CDK14: variants seen among roughly 807,000 people sequenced by gnomAD.
CDK14 encodes the protein cyclin dependent kinase 14.
In CDK14, 34 loss-of-function variants were observed where a neutral mutation model predicts 60.7. The ratio of observed to expected loss-of-function variants is 0.56; its 90% CI spans 0.43 to 0.75. The LOEUF (loss-of-function observed/expected upper bound fraction) is 0.75. CDK14 is among the 30% of genes least tolerant of loss of function. CDK14 has a pLI of 0.00. For synonymous variants in CDK14, 197 were observed against 203.7 expected (o/e 0.97, Z 0.28); for missense variants, 482 against 564.1 (o/e 0.85, Z 1.47).
intron 14 of CDK14, among the ~76,000 whole-genome samples, chr7:91,199,705 T>G (rs1195542917): frequency 6.6e-6 from 1 of 152,206 alleles, no homozygotes; most frequent in African/African-American, 2.4e-5. Flanking sequence ...TGCCTAAAAT[T>G]TTTTAATTAA....
At chr7:90,868,080 C>A (rs542466164) in intron 6 of CDK14, among the ~76,000 whole-genome samples, 1 of 151,986 alleles carries the variant, frequency 6.6e-6, no homozygotes, top group Admixed American at 6.6e-5. Context: ...TAATGAGCTA[C>A]AATTGTACCA....
At chr7:90,648,390 T>C (rs1426398454) in intron 2 of CDK14, among the ~76,000 whole-genome samples, 2 of 152,182 alleles carry the variant, frequency 1.3e-5, no homozygotes, top group East Asian at 1.9e-4. Context: ...GAAGCCCTTA[T>C]GTGTTTTAAG....
At chr7:90,784,416 G>A (rs1805480651) in intron 4 of CDK14, among the ~76,000 whole-genome samples, 1 of 152,126 alleles carries the variant, frequency 6.6e-6, no homozygotes. Context: ...GAGTGGATAT[G>A]GAAAGTTCTC....
chr7:91,076,656 T>A (rs1798328278), intron 11 of CDK14, among the ~76,000 whole-genome samples: 1 of 152,180 alleles, frequency 6.6e-6, no homozygotes, highest in Non-Finnish European at 1.5e-5. Context: ...AAATGGGATC[T>A]AATTAAACTA....
chr7:90,620,258 A>C (rs974838458), intron 2 of CDK14, among the ~76,000 whole-genome samples: 11 of 152,202 alleles, frequency 7.2e-5, no homozygotes, highest in Admixed American at 2.6e-4. Context: ...TAACTTATCA[A>C]ATTAATTATC....
At chr7:91,068,898 T>C (rs1041540150) in intron 11 of CDK14, among the ~76,000 whole-genome samples, 5 of 145,786 alleles carry the variant, frequency 3.4e-5, no homozygotes, top group African/African-American at 1.3e-4. Context: ...AGCCTCCACC[T>C]CTCTCTCCTG....
At chr7:90,866,949 TAGATAC>T (rs150573989) in intron 6 of CDK14, among the ~76,000 whole-genome samples, 5,551 of 152,298 alleles carry the variant, frequency 0.036, 139 homozygotes, top group Non-Finnish European at 0.057. Context: ...ACAAAGTCTG[TAGATAC>T]TACGATCTGG....
chr7:90,714,327 T>C (rs1802167450), intron 2 of CDK14, among the ~76,000 whole-genome samples: 1 of 152,058 alleles, frequency 6.6e-6, no homozygotes, highest in African/African-American at 2.4e-5. Flanking sequence ...CTGGAAGCAC[T>C]GGGGTTTGTT....
At chr7:90,887,741 A>T (rs1017498401) in intron 6 of CDK14, among the ~76,000 whole-genome samples, 3 of 152,290 alleles carry the variant, frequency 2.0e-5, no homozygotes, top group Non-Finnish European at 4.4e-5. Context: ...TTCTCTTGGA[A>T]CAAGTCTCCC....
intron 2 of CDK14, among the ~76,000 whole-genome samples, chr7:90,675,234 A>G (rs1801175587): frequency 6.6e-6 from 1 of 151,344 alleles, no homozygotes; most frequent in Non-Finnish European, 1.5e-5. Context: ...ATTATTTTTC[A>G]TTTATCTGCA....
At chr7:90,966,289 A>G (rs572036719) in intron 9 of CDK14, among the ~76,000 whole-genome samples, 6 of 152,246 alleles carry the variant, frequency 3.9e-5, no homozygotes, top group Non-Finnish European at 8.8e-5. Flanking sequence ...GTATTTCTTC[A>G]AACACGGGGA....
At position 90,904,902 on chromosome 7, in the gene CDK14, A is replaced by G. The variant is rs117032440; in HGVS notation, c.702+5549A>G. Among the ~76,000 whole-genome samples the G allele has an allele frequency of 7.7e-3, 1,176 of 152,324 alleles. 13 individuals carry two copies. Among genetic ancestry groups the G allele is most frequent in the Non-Finnish European group, 0.012 (821 of 68,020 alleles). The stretch of plus-strand genomic sequence containing the variant: ...CTGAAAGGGGAATGGCAGTGAGACA[A>G]TAGCTTGAAAATTTGGACACAGAAG... On this transcript the variant is annotated intron_variant, in intron 7 of 14. Transcript: ENST00000380050.
intron 2 of CDK14, among the ~76,000 whole-genome samples, chr7:90,665,949 A>G (rs1170692523): frequency 6.6e-6 from 1 of 152,234 alleles, no homozygotes; most frequent in Non-Finnish European, 1.5e-5. Context: ...AAAAGGAACT[A>G]TAGGTGTGAC....
intron 5 of CDK14, among the ~76,000 whole-genome samples, chr7:90,835,625 C>T (rs1020271779): frequency 2.6e-5 from 4 of 152,164 alleles, no homozygotes; most frequent in Non-Finnish European, 5.9e-5. Flanking sequence ...TTACTTCTTG[C>T]CTCCCTCACC....
At chr7:90,725,389 A>C (rs1802601423) in intron 2 of CDK14, among the ~76,000 whole-genome samples, 1 of 152,132 alleles carries the variant, frequency 6.6e-6, no homozygotes, top group Admixed American at 6.6e-5. Context: ...GTATCTGTCT[A>C]TATCTATCCA....
At chr7:90,983,073 A>T (rs953465125) in intron 9 of CDK14, among the ~76,000 whole-genome samples, 13 of 152,172 alleles carry the variant, frequency 8.5e-5, no homozygotes, top group African/African-American at 2.9e-4. Context: ...GGCTACAGAG[A>T]AAAGGGAATG....
At chr7:90,824,385 A>G (rs1789650877) in intron 5 of CDK14, among the ~76,000 whole-genome samples, 1 of 152,158 alleles carries the variant, frequency 6.6e-6, no homozygotes, top group African/African-American at 2.4e-5. Flanking sequence ...CCTTGTAGCC[A>G]TCTGCATCAA....
chr7:90,967,312 GT>G (rs1237153396), intron 9 of CDK14, among the ~76,000 whole-genome samples: 1 of 152,128 alleles, frequency 6.6e-6, no homozygotes, highest in Non-Finnish European at 1.5e-5. Flanking sequence ...TTCTAGAGGT[GT>G]CTAGAAAGGG....
intron 12 of CDK14, among the ~76,000 whole-genome samples, chr7:91,103,270 G>T (rs1046633670): frequency 6.6e-6 from 1 of 151,942 alleles, no homozygotes; most frequent in Admixed American, 6.6e-5. Context: ...AAGAAATGCT[G>T]TCTTCCAGGA....
Sources: allele counts gnomAD v4.1 joint callset (sites outside exome capture counted in the v4.1 genomes callset), GRCh38; gene constraint gnomAD v4.1.1; transcripts MANE v1.5; gene names NCBI Gene and HGNC (gene_info 2026-07-23, HGNC 2026-07-21).